The following CPNE4 variants were observed in gnomAD, a reference collection of about 807,000 sequenced individuals.
The protein encoded by CPNE4 is copine 4.
In CPNE4, 25 loss-of-function variants were observed where a neutral mutation model predicts 67.9. That is an observed-to-expected ratio of 0.37 (90% CI 0.27 to 0.51). The LOEUF (loss-of-function observed/expected upper bound fraction) is 0.51, where lower values mean the gene tolerates loss of function less well. Among genes scored for constraint, CPNE4 ranks in the 20% least tolerant of loss-of-function variants. The pLI is 0.93. For synonymous variants in CPNE4, 242 were observed against 244.9 expected (o/e 0.99, Z 0.11); for missense variants, 464 against 690.8 (o/e 0.67, Z 3.68).
At chr3:131,878,489 G>C (rs769566268) in intron 2 of CPNE4, among the ~76,000 whole-genome samples, 4 of 152,160 alleles carry the variant, frequency 2.6e-5, no homozygotes, top group African/African-American at 4.8e-5. Context: ...AAACAGAAGA[G>C]GCAAAAGAGG....
intron 2 of CPNE4, among the ~76,000 whole-genome samples, chr3:131,739,687 C>T (rs1238817786): frequency 6.6e-6 from 1 of 152,208 alleles, no homozygotes; most frequent in Non-Finnish European, 1.5e-5. Context: ...AAGAAGATGA[C>T]ATTTCTTGAA....
intron 6 of CPNE4, among the ~76,000 whole-genome samples, chr3:131,673,365 G>T (rs1159440736): frequency 6.6e-6 from 1 of 152,028 alleles, no homozygotes; most frequent in African/African-American, 2.4e-5. Context: ...TTCTAGTTCT[G>T]TGAAGAATGT....
rs919160922 is a variant in CPNE4 at position 131,732,085 on chromosome 3, C to T, written c.181-8460G>A. On this transcript the variant is annotated intron_variant, in intron 2 of 15. Transcript: ENST00000429747. ...ATATTCCAACTGTTATGGCTCAGCTCCAAAGTGGATGACAACCAGGAACCA... is the reference window on the plus strand; with the variant it reads ...ATATTCCAACTGTTATGGCTCAGCTTCAAAGTGGATGACAACCAGGAACCA... 3.3e-5 allele frequency among the ~76,000 whole-genome samples: 5 copies of T among 152,214 alleles called. No individual in the cohort carries two copies. The Middle Eastern group carries it at 0.01, about 311-fold the overall frequency.
At chr3:131,755,705 T>A (rs932412135) in intron 2 of CPNE4, among the ~76,000 whole-genome samples, 5 of 152,214 alleles carry the variant, frequency 3.3e-5, no homozygotes, top group African/African-American at 9.6e-5. Context: ...TGTTGATTAC[T>A]TCCTTTGTGT....
intron 1 of CPNE4, among the ~76,000 whole-genome samples, chr3:131,920,885 A>G (rs2070724459): frequency 1.3e-5 from 2 of 152,112 alleles, no homozygotes; most frequent in African/African-American, 4.8e-5. Context: ...CCTCTCCGCA[A>G]ATTGAGCTTG....
chr3:131,979,618 G>A (rs540235111), intron 1 of CPNE4, among the ~76,000 whole-genome samples: 25 of 152,226 alleles, frequency 1.6e-4, no homozygotes, highest in African/African-American at 5.3e-4. Context: ...TGGTTGGTTC[G>A]TGACTTTTTA....
chr3:131,969,592 C>T (rs748570649), intron 1 of CPNE4, among the ~76,000 whole-genome samples: 13 of 152,108 alleles, frequency 8.5e-5, no homozygotes, highest in Admixed American at 4.6e-4. Flanking sequence ...TTCTCACTGA[C>T]TAAGAACAGT....
intron 2 of CPNE4, among the ~76,000 whole-genome samples, chr3:131,767,732 G>C (rs2083059113): frequency 1.3e-5 from 2 of 151,926 alleles, no homozygotes; most frequent in South Asian, 4.1e-4. Flanking sequence ...TTTCTTTTCA[G>C]TTCCCCAAAT....
chr3:131,751,462 T>C (rs1251184868), intron 2 of CPNE4, among the ~76,000 whole-genome samples: 2 of 152,144 alleles, frequency 1.3e-5, no homozygotes, highest in African/African-American at 4.8e-5. Flanking sequence ...ATACCAGTTG[T>C]TGTATACTTT....
intron 7 of CPNE4, among the ~76,000 whole-genome samples, chr3:131,631,246 T>C (rs2079213406): frequency 6.6e-6 from 1 of 152,234 alleles, no homozygotes; most frequent in African/African-American, 2.4e-5. Context: ...CAAAACCAGT[T>C]GAAATTCCAG....
chr3:132,030,894 T>C (rs2074222061), intron 1 of CPNE4, among the ~76,000 whole-genome samples: 1 of 152,196 alleles, frequency 6.6e-6, no homozygotes, highest in Non-Finnish European at 1.5e-5. Flanking sequence ...GGCCTTACTA[T>C]AGACTATTTC....
chr3:131,876,316 A>G (rs2087449739), intron 2 of CPNE4, among the ~76,000 whole-genome samples: 1 of 151,752 alleles, frequency 6.6e-6, no homozygotes, highest in Admixed American at 6.6e-5. Context: ...CATGCTCTTT[A>G]TTTTTTGTGA....
At chr3:131,880,511 G>A (rs1412204259) in intron 2 of CPNE4, among the ~76,000 whole-genome samples, 1 of 152,196 alleles carries the variant, frequency 6.6e-6, no homozygotes, top group Non-Finnish European at 1.5e-5. Context: ...AAATCACAAT[G>A]AAGTGGGAGC....
At chr3:131,806,277 G>T (rs1177930767) in intron 2 of CPNE4, among the ~76,000 whole-genome samples, 1 of 152,138 alleles carries the variant, frequency 6.6e-6, no homozygotes. Flanking sequence ...TTGGCCAGGC[G>T]CGGTGGCTCA....
At chr3:131,621,150 G>C (rs1463539946) in intron 7 of CPNE4, among the ~76,000 whole-genome samples, 1 of 152,180 alleles carries the variant, frequency 6.6e-6, no homozygotes, top group African/African-American at 2.4e-5. Context: ...AAGCCCTAAT[G>C]TCTTCCTTTG....
At chr3:131,691,547 G>A (rs541783857) in intron 5 of CPNE4, among the ~76,000 whole-genome samples, 1 of 152,258 alleles carries the variant, frequency 6.6e-6, no homozygotes, top group South Asian at 2.1e-4. Flanking sequence ...TACCAGAGCA[G>A]TGAGAGAGGG....
chr3:131,898,597 A>C (rs940702167), intron 2 of CPNE4, among the ~76,000 whole-genome samples: 6 of 152,050 alleles, frequency 3.9e-5, no homozygotes, highest in African/African-American at 1.4e-4. Flanking sequence ...AAATGTTGAG[A>C]TTTTACTTAT....
At chr3:131,648,839 G>T (rs905301019) in intron 7 of CPNE4, among the ~76,000 whole-genome samples, 3 of 152,186 alleles carry the variant, frequency 2.0e-5, no homozygotes, top group African/African-American at 2.4e-5. Flanking sequence ...CCCAGGGAGG[G>T]TGCTACTAAG....
chr3:131,759,246 G>A (rs2082830828), intron 2 of CPNE4, among the ~76,000 whole-genome samples: 1 of 152,116 alleles, frequency 6.6e-6, no homozygotes, highest in Non-Finnish European at 1.5e-5. Flanking sequence ...AGTTGGTTTT[G>A]GAACTCTAGG....
Sources: gnomAD v4.1 joint callset for allele counts (sites outside exome capture counted in the v4.1 genomes callset) on GRCh38, gnomAD v4.1.1 for gene constraint, MANE v1.5 for transcripts, NCBI Gene and HGNC (gene_info 2026-07-23, HGNC 2026-07-21) for gene names.